NT5DC1: variants seen among roughly 807,000 people sequenced by gnomAD.
NT5DC1 encodes 5'-nucleotidase domain containing 1.
A neutral mutation model predicts 59.4 loss-of-function variants in NT5DC1; 42 were observed. That is an observed-to-expected ratio of 0.71 (90% CI 0.55 to 0.92). NT5DC1 has a LOEUF of 0.92. Among genes scored for constraint, NT5DC1 ranks in the 40% least tolerant of loss-of-function variants. The pLI is 0.00. For synonymous variants in NT5DC1, 172 were observed against 188.1 expected (o/e 0.91, Z 0.70); for missense variants, 501 against 537.1 (o/e 0.93, Z 0.66).
intron 6 of NT5DC1, among the ~76,000 whole-genome samples, chr6:116,160,058 A>C (rs1328386350): frequency 5.9e-5 from 9 of 152,168 alleles, no homozygotes; most frequent in Admixed American, 5.9e-4. Flanking sequence ...GCTATTGTGA[A>C]TAGTGCTCAA....
chr6:116,155,214 C>T (rs1780156014), intron 6 of NT5DC1, among the ~76,000 whole-genome samples: 2 of 152,130 alleles, frequency 1.3e-5, no homozygotes, highest in African/African-American at 4.8e-5. Context: ...TGCTTATAAG[C>T]ATTGTTAGAC....
chr6:116,143,153 A>T (rs1213907975), intron 6 of NT5DC1, among the ~76,000 whole-genome samples: 1 of 152,164 alleles, frequency 6.6e-6, no homozygotes, highest in Non-Finnish European at 1.5e-5. Flanking sequence ...ACACTAAAGG[A>T]ATTTTTAGAA....
chr6:116,161,884 T>G (rs1442753916), intron 6 of NT5DC1, among the ~76,000 whole-genome samples: 2 of 152,370 alleles, frequency 1.3e-5, no homozygotes, highest in Admixed American at 1.3e-4. Flanking sequence ...TCCATCTGTT[T>G]GTGTCATCTA....
rs1347761642 is a variant in NT5DC1, at chr6:116,246,958, T to C, written c.*2934T>C. On this transcript the variant is annotated 3_prime_UTR_variant, in exon 12 of 12. Transcript: ENST00000319550. ...TTCATGTACATTATCTTGTTTACTCTCTATAGCAACCATATGAGATGTATA... is the reference window on the plus strand; with the variant it reads ...TTCATGTACATTATCTTGTTTACTCCCTATAGCAACCATATGAGATGTATA... 6.6e-6 allele frequency: 1 copy of C among 152,196 alleles called. No individual in the cohort carries two copies. The highest frequency in any genetic ancestry group is 1.5e-5 in the Non-Finnish European group (1 of 68,008). The allele number at this position is 152,196 out of a possible 1,614,324, so 9.4% of individuals were successfully genotyped here. A position where few individuals can be genotyped will look rare whatever the true frequency, so the allele number is the denominator to read the frequency against.
chr6:116,113,884 G>C (rs1483680439), intron 4 of NT5DC1, among the ~76,000 whole-genome samples: 1 of 152,204 alleles, frequency 6.6e-6, no homozygotes, highest in Non-Finnish European at 1.5e-5. Flanking sequence ...AGCTGACCAT[G>C]AAGTTGGGTC....
chr6:116,151,897 T>C (rs1447572126), intron 6 of NT5DC1, among the ~76,000 whole-genome samples: 1 of 152,232 alleles, frequency 6.6e-6, no homozygotes, highest in Non-Finnish European at 1.5e-5. Context: ...TCTGAAACAC[T>C]GATGCATTTA....
rs1041900163 is a variant in NT5DC1, at chr6:116,125,565, C to A, written c.529+7620C>A. ...ATTGTTATTAACCTATTTTTTTATT[C>A]TCATGTTTCACAGATGAGTTCTTTA... On this transcript the variant is annotated intron_variant, in intron 6 of 11. Coordinates refer to ENST00000319550, the MANE Select transcript of NT5DC1 (RefSeq NM_152729.3). The A allele has an allele frequency of 2.0e-6, 3 of 1,518,222 alleles. No homozygotes were observed. In the African/African-American group the frequency reaches 4.2e-5, roughly 21 times the overall value. The allele number at this position is 1,518,222 out of a possible 1,614,324, so 94.0% of individuals were successfully genotyped here.
chr6:116,148,539 A>T (rs931435096), intron 6 of NT5DC1, among the ~76,000 whole-genome samples: 1 of 152,156 alleles, frequency 6.6e-6, no homozygotes, highest in Non-Finnish European at 1.5e-5. Flanking sequence ...GTTGATTTTC[A>T]TTGTACTCAG....
intron 11 of NT5DC1, among the ~76,000 whole-genome samples, chr6:116,242,068 TA>T (rs912679599): frequency 6.6e-6 from 1 of 151,822 alleles, no homozygotes; most frequent in African/African-American, 2.4e-5. Flanking sequence ...TAGCCAATTT[TA>T]AAAAAATAAC....
At chr6:116,108,457 G>A (rs758638806) in intron 3 of NT5DC1, 22 bp downstream of exon 3, 62 of 1,471,226 alleles carry the variant, frequency 4.2e-5, no homozygotes, top group Middle Eastern at 3.5e-4. Flanking sequence ...TAGTTGTGAA[G>A]TCTAAACTTT....
At chr6:116,121,001 T>C (rs752824839) in intron 6 of NT5DC1, 1 of 1,613,766 alleles carries the variant, frequency 6.2e-7, no homozygotes, top group Non-Finnish European at 8.5e-7. Context: ...AGCCCCAGGG[T>C]ATCCTGCAGG....
chr6:116,114,529 TGGGGG>T (rs199814768), intron 4 of NT5DC1, among the ~76,000 whole-genome samples: 2 of 25,270 alleles, frequency 7.9e-5, no homozygotes, highest in South Asian at 1.7e-3. Context: ...GCTTGCAAAT[TGGGGG>T]GAGGGGGGGG....
chr6:116,158,644 T>C (rs1780259454), intron 6 of NT5DC1: 1 of 152,162 alleles, frequency 6.6e-6, no homozygotes, highest in South Asian at 2.1e-4. Flanking sequence ...CCTATATGCT[T>C]GTTGTTGGCT....
At chr6:116,200,969 T>C (rs1781335108) in intron 6 of NT5DC1, among the ~76,000 whole-genome samples, 1 of 152,038 alleles carries the variant, frequency 6.6e-6, no homozygotes, top group African/African-American at 2.4e-5. Flanking sequence ...GTTCTCTGTT[T>C]AGTTTCTTTG....
intron 4 of NT5DC1, among the ~76,000 whole-genome samples, chr6:116,114,136 C>G (rs914621144): frequency 3.9e-5 from 6 of 152,120 alleles, no homozygotes; most frequent in Admixed American, 2.6e-4. Context: ...GTTCCCCTAA[C>G]AATTCAAGCT....
chr6:116,161,532 A>G (rs1056962372), intron 6 of NT5DC1, among the ~76,000 whole-genome samples: 2 of 152,022 alleles, frequency 1.3e-5, no homozygotes, highest in Admixed American at 1.3e-4. Flanking sequence ...GACTTTGTTG[A>G]AGATCAGGTG....
Position 116,141,397 on chromosome 6 carries a change from T to C in NT5DC1, c.529+23452T>C, listed in dbSNP as rs73772273. 5.4e-3 allele frequency among the ~76,000 whole-genome samples: 828 copies of C among 152,256 alleles called. 13 individuals are homozygous for C. The highest frequency in any genetic ancestry group is 8.0e-3 in the Admixed American group (122 of 15,278). On this transcript the variant is annotated intron_variant, in intron 6 of 11. Coordinates refer to ENST00000319550, the MANE Select transcript of NT5DC1 (RefSeq NM_152729.3). Reference sequence around the variant, plus strand: ...TCTCTCTAGGGCATCTTATGTGTTATCTGCAGTTAACTTCTATCTAAGAAA... The same window carrying C: ...TCTCTCTAGGGCATCTTATGTGTTACCTGCAGTTAACTTCTATCTAAGAAA...
chr6:116,241,834 A>G (rs1281749454), intron 11 of NT5DC1, among the ~76,000 whole-genome samples: 1 of 149,614 alleles, frequency 6.7e-6, no homozygotes. Context: ...GAGGCAGGAG[A>G]ATGGCATGAA....
At chr6:116,178,100 C>CGTGTGT (rs1446836635) in intron 6 of NT5DC1, among the ~76,000 whole-genome samples, 4 of 102,878 alleles carry the variant, frequency 3.9e-5, no homozygotes, top group South Asian at 2.9e-4. Context: ...CGCGCGCGCG[C>CGTGTGT]GCGTGCGTGC....
Sources: allele counts gnomAD v4.1 joint callset (sites outside exome capture counted in the v4.1 genomes callset), GRCh38; gene constraint gnomAD v4.1.1; transcripts MANE v1.5; gene names NCBI Gene and HGNC (gene_info 2026-07-23, HGNC 2026-07-21).